The following ABCG2 variants were observed in gnomAD, a reference collection of about 807,000 sequenced individuals.
ABCG2 encodes the protein broad substrate specificity ATP-binding cassette transporter ABCG2.
In ABCG2, 80 loss-of-function variants were observed where a neutral mutation model predicts 73.5. The observed-to-expected ratio is 1.09, with a 90% CI of 0.91 to 1.31. The LOEUF is 1.31. Ranked by LOEUF, ABCG2 falls within the 50% of genes most tolerant of loss-of-function variation. ABCG2 has a pLI of 0.00. For synonymous variants in ABCG2, 269 were observed against 282.4 expected (o/e 0.95, Z 0.48); for missense variants, 796 against 786.2 (o/e 1.01, Z -0.15).
chr4:88,230,607 A>G (rs1164324642), intron 1 of ABCG2, among the ~76,000 whole-genome samples: 1 of 152,114 alleles, frequency 6.6e-6, no homozygotes, highest in Non-Finnish European at 1.5e-5. Context: ...AGAGATAGCC[A>G]TCAAAGTAGG....
At chr4:88,154,623 A>T (rs1036630085) in intron 1 of ABCG2, among the ~76,000 whole-genome samples, 2 of 152,146 alleles carry the variant, frequency 1.3e-5, no homozygotes, top group African/African-American at 4.8e-5. Flanking sequence ...AGAAGGAAAT[A>T]TGCGGAAATG....
chr4:88,189,209 T>G (rs995314927), intron 1 of ABCG2, among the ~76,000 whole-genome samples: 1 of 152,188 alleles, frequency 6.6e-6, no homozygotes, highest in Admixed American at 6.6e-5. Flanking sequence ...AGTTGTTCTC[T>G]TAGTTTCCTT....
At position 88,099,318 on chromosome 4, in the gene ABCG2, A is replaced by G. The variant is rs186806914; in HGVS notation, c.1492+6T>C. 1.8e-5 allele frequency: 28 copies of G among 1,587,686 alleles called. No homozygotes were observed. In the African/African-American group the frequency reaches 3.2e-4, roughly 18 times the overall value. ...CATGTCCTTTTTTGTTTTGTTACAT[A>G]CTTACCTAACATGAAGTACACTATA... On this transcript the variant is annotated splice_donor_region_variant and intron_variant, in intron 12 of 15. Coordinates refer to ENST00000237612, the MANE Select transcript of ABCG2 (RefSeq NM_004827.3).
chr4:88,183,045 A>C (rs1185153569), intron 1 of ABCG2, among the ~76,000 whole-genome samples: 1 of 136,170 alleles, frequency 7.3e-6, no homozygotes, highest in Non-Finnish European at 1.5e-5. Flanking sequence ...AGATCGCACC[A>C]CTGCACTCCA....
At position 88,131,165 on chromosome 4, in the gene ABCG2, A is replaced by G. The variant is rs1346765745; in HGVS notation, c.427T>C (p.Ser143Pro). Residue 143 changes from serine to proline, a missense_variant, in exon 5 of 16, where the codon TCA becomes CCA. Physicochemically the swap from Ser to Pro is moderately conservative, Grantham distance 74. Transcript: ENST00000237612. The stretch of plus-strand genomic sequence containing the variant: ...GTTGTTGCAAGCCGAAGAGCTGCTG[A>G]GAACTGTAAGTTTTCTCTCACCGTC... The part of the protein sequence containing the change: ...TLTVRENLQF[S>P]AALRLATTMT... 6.2e-7 allele frequency: 1 copy of G among 1,614,074 alleles called. No homozygotes were observed. The highest frequency in any genetic ancestry group is 8.5e-7 in the Non-Finnish European group (1 of 1,179,994).
intron 12 of ABCG2, among the ~76,000 whole-genome samples, 190 bp downstream of exon 12, chr4:88,099,134 G>A (rs986411106): frequency 3.3e-5 from 5 of 152,070 alleles, no homozygotes; most frequent in African/African-American, 4.8e-5. Flanking sequence ...AAGTTCAGTT[G>A]GGAAACAGTC....
intron 1 of ABCG2, among the ~76,000 whole-genome samples, chr4:88,154,985 C>G (rs1726836341): frequency 2.0e-5 from 3 of 152,102 alleles, no homozygotes; most frequent in Admixed American, 2.0e-4. Flanking sequence ...AGGACGCGAT[C>G]CTGGTCCTTG....
intron 7 of ABCG2, 103 bp from the exon 8 acceptor site, chr4:88,115,161 C>G: frequency 1.5e-6 from 1 of 678,158 alleles, no homozygotes; most frequent in Non-Finnish European, 2.5e-6. Context: ...AAGACAGAAT[C>G]TAATGACTTT....
chr4:88,192,582 G>A (rs1325445370), intron 1 of ABCG2, among the ~76,000 whole-genome samples: 2 of 151,882 alleles, frequency 1.3e-5, no homozygotes, highest in Non-Finnish European at 2.9e-5. Context: ...ACCAAGCCCA[G>A]CTAATTTTTG....
intron 1 of ABCG2, among the ~76,000 whole-genome samples, chr4:88,154,823 T>G (rs972472770): frequency 6.6e-5 from 10 of 152,000 alleles, no homozygotes; most frequent in Non-Finnish European, 1.0e-4. Flanking sequence ...AGAAAATAGA[T>G]TTTGGAAGTT....
intron 3 of ABCG2, among the ~76,000 whole-genome samples, chr4:88,132,152 A>G (rs1420849231): frequency 6.6e-6 from 1 of 152,228 alleles, no homozygotes; most frequent in Non-Finnish European, 1.5e-5. Flanking sequence ...CAAAACATAA[A>G]GCAAGACACC....
At chr4:88,162,485 G>C (rs763780490), upstream of ABCG2, among the ~76,000 whole-genome samples, 1 of 152,044 alleles carries the variant, frequency 6.6e-6, no homozygotes, top group Non-Finnish European at 1.5e-5. Flanking sequence ...CATATTTATA[G>C]GTCGGTTTAT....
intron 1 of ABCG2, among the ~76,000 whole-genome samples, chr4:88,154,014 T>C (rs557028218): frequency 1.4e-4 from 22 of 152,198 alleles, no homozygotes; most frequent in Middle Eastern, 3.4e-3. Flanking sequence ...GATGACAGAA[T>C]AGAATGGGCC....
intron 10 of ABCG2, among the ~76,000 whole-genome samples, chr4:88,103,197 A>G (rs540171403): frequency 5.9e-5 from 9 of 152,332 alleles, no homozygotes; most frequent in Admixed American, 5.2e-4. Flanking sequence ...GTAAAAAGCT[A>G]ATTTCAGAAC....
At chr4:88,125,743 G>A (rs1724366129) in intron 5 of ABCG2, among the ~76,000 whole-genome samples, 1 of 148,386 alleles carries the variant, frequency 6.7e-6, no homozygotes, top group African/African-American at 2.5e-5. Context: ...TGAGAACAAA[G>A]ACACAACGTA....
chr4:88,171,286 A>AG (rs1727746811), intron 1 of ABCG2, among the ~76,000 whole-genome samples: 1 of 151,398 alleles, frequency 6.6e-6, no homozygotes, highest in Non-Finnish European at 1.5e-5. Flanking sequence ...AAAAAAAAAA[A>AG]AAAAGAAAGG....
intron 15 of ABCG2, among the ~76,000 whole-genome samples, chr4:88,093,707 C>T (rs549398666): frequency 6.6e-6 from 1 of 152,074 alleles, no homozygotes; most frequent in Admixed American, 6.5e-5. Context: ...TTCCTGTGGA[C>T]AATTCAAAAG....
chr4:88,094,509 C>G, intron 15 of ABCG2, 68 bp downstream of exon 15: 2 of 1,373,094 alleles, frequency 1.5e-6, no homozygotes, highest in Non-Finnish European at 2.1e-6. Flanking sequence ...CAGATCTAAG[C>G]CCAGTAGCCT....
At position 88,102,552 on chromosome 4, in the gene ABCG2, C is replaced by T. The variant is rs189361296; in HGVS notation, c.1278-1233G>A. On this transcript the variant is annotated intron_variant, in intron 10 of 15. Transcript: ENST00000237612. ...TGGAGGTTGCAGTGAGCTGAGATCGCGCCACTGCACTCCAGCCTGGGTGAC... is the reference window on the plus strand; with the variant it reads ...TGGAGGTTGCAGTGAGCTGAGATCGTGCCACTGCACTCCAGCCTGGGTGAC... Among the ~76,000 whole-genome samples, 1,496 of 150,086 alleles carry T rather than the reference C, an allele frequency of 1.0e-2. 26 individuals carry two copies. The highest frequency in any genetic ancestry group is 0.035 in the African/African-American group (1,434 of 40,952).
Sources: allele counts gnomAD v4.1 joint callset (sites outside exome capture counted in the v4.1 genomes callset), GRCh38; gene constraint gnomAD v4.1.1; transcripts MANE v1.5; gene names NCBI Gene and HGNC (gene_info 2026-07-23, HGNC 2026-07-21).